CAMK2D: variants seen among roughly 807,000 people sequenced by gnomAD.
CAMK2D encodes the protein calcium/calmodulin dependent protein kinase II delta.
A neutral mutation model predicts 84.0 loss-of-function variants in CAMK2D; 37 were observed. That is an observed-to-expected ratio of 0.44 (90% confidence interval 0.34 to 0.58). CAMK2D has a LOEUF of 0.58. CAMK2D is among the 20% of genes least tolerant of loss of function. The probability of loss-of-function intolerance (pLI) is 0.02; values close to 1 mark genes in which losing one functional copy is unlikely to be tolerated. For missense variants in CAMK2D, 448 were observed against 652.5 expected, an observed-to-expected ratio of 0.69 and a Z score of 3.41; for synonymous variants, 202 against 212.5, an observed-to-expected ratio of 0.95 and a Z score of 0.43.
chr4:113,698,131 T>A (rs1029613290), intron 2 of CAMK2D, among the ~76,000 whole-genome samples: 3 of 152,114 alleles, frequency 2.0e-5, no homozygotes, highest in African/African-American at 7.2e-5. Flanking sequence ...GCACGAAGCC[T>A]ATTTTATAAT....
intron 3 of CAMK2D, among the ~76,000 whole-genome samples, chr4:113,622,891 G>T (rs1200876992): frequency 1.3e-5 from 2 of 152,148 alleles, no homozygotes; most frequent in African/African-American, 2.4e-5. Flanking sequence ...TCTAGAATAG[G>T]TATCTTTATT....
At chr4:113,696,569 T>C (rs1418057417) in intron 2 of CAMK2D, among the ~76,000 whole-genome samples, 1 of 152,122 alleles carries the variant, frequency 6.6e-6, no homozygotes, top group African/African-American at 2.4e-5. Context: ...CTATTGATAA[T>C]AGCTATTAGG....
chr4:113,728,399 A>G lies in CAMK2D; in HGVS notation c.160+30921T>C, dbSNP rs569703398. On this transcript the variant is annotated intron_variant, in intron 2 of 20. Coordinates refer to ENST00000511664, the MANE Select transcript of CAMK2D (RefSeq NM_001321571.2). ...CTATTCCATTCACATGAAGTCCAAG[A>G]AAAGGCAAAACTAACATATGGTGAT... Among the ~76,000 whole-genome samples, 127 of 152,302 alleles carry G rather than the reference A, an allele frequency of 8.3e-4. 1 individual carries two copies. The highest frequency in any genetic ancestry group is 1.5e-3 in the Non-Finnish European group (105 of 68,016).
intron 2 of CAMK2D, among the ~76,000 whole-genome samples, chr4:113,709,373 G>T (rs2099479416): frequency 6.6e-6 from 1 of 151,550 alleles, no homozygotes; most frequent in South Asian, 2.1e-4. Context: ...AATTATATCA[G>T]GACCAGAAAT....
chr4:113,579,871 C>T (rs749496097), intron 4 of CAMK2D, among the ~76,000 whole-genome samples: 3 of 152,128 alleles, frequency 2.0e-5, no homozygotes, highest in Non-Finnish European at 2.9e-5. Flanking sequence ...ACTGAAAATA[C>T]AGCCACTGTT....
At chr4:113,685,574 C>T (rs552603420) in intron 2 of CAMK2D, among the ~76,000 whole-genome samples, 2 of 151,042 alleles carry the variant, frequency 1.3e-5, no homozygotes, top group Non-Finnish European at 2.9e-5. Flanking sequence ...CACATGAGCC[C>T]GTGAAAGGTA....
intron 3 of CAMK2D, among the ~76,000 whole-genome samples, chr4:113,619,586 C>G (rs1433077546): frequency 6.6e-6 from 1 of 152,192 alleles, no homozygotes; most frequent in Non-Finnish European, 1.5e-5. Context: ...CAGGCAAGCT[C>G]CTGTCTCAGA....
At chr4:113,542,588 G>A (rs564050053) in intron 6 of CAMK2D, among the ~76,000 whole-genome samples, 11 of 152,070 alleles carry the variant, frequency 7.2e-5, no homozygotes, top group Non-Finnish European at 1.2e-4. Context: ...GGTGGCGGGC[G>A]CCTGTAGTCC....
intron 4 of CAMK2D, among the ~76,000 whole-genome samples, chr4:113,572,783 G>T (rs1030379967): frequency 4.6e-5 from 7 of 151,988 alleles, no homozygotes; most frequent in Non-Finnish European, 7.4e-5. Context: ...CAAATACATG[G>T]AATCAACCTA....
At chr4:113,729,402 C>G (rs2099556002) in intron 2 of CAMK2D, among the ~76,000 whole-genome samples, 4 of 152,212 alleles carry the variant, frequency 2.6e-5, no homozygotes, top group Admixed American at 1.3e-4. Context: ...CTTCCACCCT[C>G]ACTAAGTGAA....
At chr4:113,579,744 C>A (rs900574274) in intron 4 of CAMK2D, among the ~76,000 whole-genome samples, 1 of 152,150 alleles carries the variant, frequency 6.6e-6, no homozygotes, top group Non-Finnish European at 1.5e-5. Flanking sequence ...AATTATCCGG[C>A]CTCAGATATT....
chr4:113,753,849 T>C, intron 2 of CAMK2D: 5 of 984,782 alleles, frequency 5.1e-6, no homozygotes, highest in Non-Finnish European at 6.0e-6. Context: ...AAAATTTCTT[T>C]AAATCAATAC....
chr4:113,760,532 C>T (rs758096676), intron 1 of CAMK2D, among the ~76,000 whole-genome samples: 1 of 152,098 alleles, frequency 6.6e-6, no homozygotes, highest in African/African-American at 2.4e-5. Flanking sequence ...AATATGGCAC[C>T]GTCTGAGGCT....
At chr4:113,711,715 T>C (rs1039931629) in intron 2 of CAMK2D, among the ~76,000 whole-genome samples, 4 of 152,150 alleles carry the variant, frequency 2.6e-5, no homozygotes, top group Admixed American at 6.6e-5. Context: ...ATTTAACTTA[T>C]TGAAAACCTA....
At chr4:113,504,715 C>T (rs1564690446) in intron 14 of CAMK2D, among the ~76,000 whole-genome samples, 1 of 151,594 alleles carries the variant, frequency 6.6e-6, no homozygotes, top group Non-Finnish European at 1.5e-5. Flanking sequence ...GAGACCACAG[C>T]TATCAGTACA....
At chr4:113,748,016 T>C (rs1412017089) in intron 2 of CAMK2D, among the ~76,000 whole-genome samples, 1 of 151,918 alleles carries the variant, frequency 6.6e-6, no homozygotes, top group African/African-American at 2.4e-5. Context: ...TACTTTGAAC[T>C]TGTTTTTTTT....
intron 4 of CAMK2D, among the ~76,000 whole-genome samples, chr4:113,594,156 A>G (rs2098911152): frequency 6.6e-6 from 1 of 152,302 alleles, no homozygotes; most frequent in Middle Eastern, 3.4e-3. Flanking sequence ...GGCCACACAC[A>G]TTTAAATGAA....
rs1373645441 is a variant in CAMK2D at position 113,454,172 on chromosome 4, T to G, written c.*373A>C. 1 of 189,870 alleles carries G rather than the reference T, an allele frequency of 5.3e-6. No homozygotes were observed. The highest frequency in any genetic ancestry group is 1.1e-5 in the Non-Finnish European group (1 of 93,180). The allele number at this position is 189,870 out of a possible 1,614,324, so 11.8% of individuals were successfully genotyped here. The stretch of plus-strand genomic sequence containing the variant: ...TTTACATTTCTCTTACAACTGTCAT[T>G]CAGAGAACAATAGTTCTTAAGTCTG... On this transcript the variant is annotated 3_prime_UTR_variant, in exon 21 of 21. Transcript: ENST00000511664.
At chr4:113,548,841 A>G in intron 5 of CAMK2D, 1 of 570,276 alleles carries the variant, frequency 1.8e-6, no homozygotes. Flanking sequence ...AACAAAAATT[A>G]TATTTCTTCA....
Sources: gnomAD v4.1 joint callset for allele counts (sites outside exome capture counted in the v4.1 genomes callset) on GRCh38, gnomAD v4.1.1 for gene constraint, MANE v1.5 for transcripts, NCBI Gene and HGNC (gene_info 2026-07-23, HGNC 2026-07-21) for gene names.